The following POU2AF2 variants were observed in gnomAD, a reference collection of about 807,000 sequenced individuals.
The protein encoded by POU2AF2 is POU domain class 2-associating factor 2.
chr11:111,276,453 A>AAAAAAAATATATAT, the POU2AF2 span, among the ~76,000 whole-genome samples: 64 of 37,552 alleles, frequency 1.7e-3, no homozygotes, highest in East Asian at 3.7e-3. Context: ...AAAAAAAAAA[A>AAAAAAAATATATAT]ATATATATAT....
chr11:111,280,057 A>AAAAATATATATAT, the POU2AF2 span, among the ~76,000 whole-genome samples: 941 of 76,304 alleles, frequency 0.012, 13 homozygotes, highest in Non-Finnish European at 0.018. Context: ...AAAAAAAAAA[A>AAAAATATATATAT]ATATATATAT....
chr11:111,246,626 A>T, the POU2AF2 span, among the ~76,000 whole-genome samples: 1 of 152,200 alleles, frequency 6.6e-6, no homozygotes, highest in Non-Finnish European at 1.5e-5. Flanking sequence ...GAAGATAGAA[A>T]GAGCTCTAAG....
At chr11:111,264,505 AAAG>A in the POU2AF2 span, among the ~76,000 whole-genome samples, 1 of 24,458 alleles carries the variant, frequency 4.1e-5, no homozygotes, top group Non-Finnish European at 8.5e-5. Flanking sequence ...AGAAAGAAAG[AAAG>A]AAAGAAAGAA....
the POU2AF2 span, among the ~76,000 whole-genome samples, chr11:111,253,036 AT>A: frequency 2.6e-5 from 4 of 151,940 alleles, no homozygotes; most frequent in Admixed American, 6.6e-5. Flanking sequence ...GTTGCCTCTG[AT>A]TTTTTTTAAT....
the POU2AF2 span, among the ~76,000 whole-genome samples, chr11:111,272,734 G>C: frequency 6.6e-6 from 1 of 152,192 alleles, no homozygotes; most frequent in African/African-American, 2.4e-5. Context: ...TGTATTTCTG[G>C]AAACTACCAC....
At chr11:111,261,260 TACACACACACAC>T in the POU2AF2 span, among the ~76,000 whole-genome samples, 12 of 141,022 alleles carry the variant, frequency 8.5e-5, no homozygotes, top group East Asian at 2.3e-4. Flanking sequence ...TAGTACCAAA[TACACACACACAC>T]ACACACACAC....
chr11:111,264,388 C>T, the POU2AF2 span, among the ~76,000 whole-genome samples: 1 of 151,734 alleles, frequency 6.6e-6, no homozygotes. Context: ...CCCAGCTACT[C>T]AGGAGGCTGA....
the POU2AF2 span, among the ~76,000 whole-genome samples, chr11:111,260,749 T>C: frequency 1.3e-5 from 2 of 152,234 alleles, no homozygotes; most frequent in African/African-American, 4.8e-5. Flanking sequence ...AGAGAATCAA[T>C]GTTGCTAGTT....
At chr11:111,273,508 T>C in the POU2AF2 span, among the ~76,000 whole-genome samples, 1 of 152,244 alleles carries the variant, frequency 6.6e-6, no homozygotes. Context: ...CACAAGTGGC[T>C]ATGATTATTA....
the POU2AF2 span, among the ~76,000 whole-genome samples, chr11:111,267,212 A>T: frequency 6.6e-6 from 1 of 152,134 alleles, no homozygotes; most frequent in African/African-American, 2.4e-5. Flanking sequence ...CTATCCCAGA[A>T]CCTGCTTTCT....
chr11:111,279,710 C>G, the POU2AF2 span, among the ~76,000 whole-genome samples: 1 of 152,058 alleles, frequency 6.6e-6, no homozygotes, highest in African/African-American at 2.4e-5. Context: ...TTTAACAGCC[C>G]TATTAGCAAA....
the POU2AF2 span, chr11:111,283,985 C>G: frequency 8.4e-7 from 1 of 1,193,378 alleles, no homozygotes; most frequent in East Asian, 2.3e-5. Context: ...GCGTTAGTAA[C>G]ATCGTTTCCC....
chr11:111,262,239 A>T, the POU2AF2 span, among the ~76,000 whole-genome samples: 1 of 152,312 alleles, frequency 6.6e-6, no homozygotes, highest in Non-Finnish European at 1.5e-5. Context: ...TACGTATTTG[A>T]TGGGAAATTT....
the POU2AF2 span, among the ~76,000 whole-genome samples, chr11:111,260,286 C>G: frequency 1.3e-5 from 2 of 152,054 alleles, no homozygotes; most frequent in Non-Finnish European, 2.9e-5. Context: ...GAGTAATGAC[C>G]AGTCAGAGGC....
the POU2AF2 span, among the ~76,000 whole-genome samples, chr11:111,269,188 T>C: frequency 7.6e-6 from 1 of 132,424 alleles, no homozygotes; most frequent in East Asian, 2.1e-4. Context: ...TCCACGAGCC[T>C]ACAAAGAATT....
the POU2AF2 span, chr11:111,245,898 C>T: frequency 5.0e-6 from 2 of 398,634 alleles, no homozygotes; most frequent in Non-Finnish European, 8.9e-6. Flanking sequence ...TTTAAAAAAA[C>T]TTTAATCCTA....
the POU2AF2 span, chr11:111,284,338 G>A: frequency 1.9e-6 from 3 of 1,610,606 alleles, no homozygotes; most frequent in Non-Finnish European, 1.7e-6. Flanking sequence ...CGCCGCTCCT[G>A]CCACCGCCCT....
At chr11:111,257,310 G>A in the POU2AF2 span, among the ~76,000 whole-genome samples, 14 of 151,492 alleles carry the variant, frequency 9.2e-5, no homozygotes, top group East Asian at 2.5e-3. Context: ...TCAAATGAAC[G>A]TTCAATTTCC....
At chr11:111,257,285 CT>C in the POU2AF2 span, among the ~76,000 whole-genome samples, 1 of 152,122 alleles carries the variant, frequency 6.6e-6, no homozygotes, top group Admixed American at 6.5e-5. Context: ...CAAAATCAAA[CT>C]CCTGAGACAT....
Sources: allele counts gnomAD v4.1 joint callset (sites outside exome capture counted in the v4.1 genomes callset), GRCh38; gene constraint gnomAD v4.1.1; transcripts MANE v1.5; gene names NCBI Gene and HGNC (gene_info 2026-07-23, HGNC 2026-07-21).